The following CDH13 variants were observed in gnomAD, a reference collection of about 807,000 sequenced individuals.
CDH13 encodes the protein cadherin 13.
In CDH13, 24 loss-of-function variants were observed where a neutral mutation model predicts 63.8. The observed-to-expected ratio is 0.38, with a 90% CI of 0.27 to 0.53. The LOEUF is 0.53. Among genes scored for constraint, CDH13 ranks in the 20% least tolerant of loss-of-function variants. The probability of loss-of-function intolerance (pLI) is 0.85; values close to 1 mark genes in which losing one functional copy is unlikely to be tolerated. For missense variants in CDH13, 1,049 were observed against 903.1 expected (o/e 1.16, Z -2.07); for synonymous variants, 503 against 355.3 (o/e 1.42, Z -4.67).
chr16:82,898,694 T>A (rs2041352709), intron 2 of CDH13, among the ~76,000 whole-genome samples: 1 of 152,174 alleles, frequency 6.6e-6, no homozygotes, highest in Admixed American at 6.5e-5. Context: ...TGGGCCTTGA[T>A]GAGAGCACTA....
At chr16:83,251,601 G>A (rs1049887250) in intron 5 of CDH13, among the ~76,000 whole-genome samples, 4 of 152,214 alleles carry the variant, frequency 2.6e-5, no homozygotes, top group Non-Finnish European at 4.4e-5. Flanking sequence ...GCAGCAGAGG[G>A]TGGGGCCAGT....
intron 6 of CDH13, among the ~76,000 whole-genome samples, chr16:83,426,235 A>G (rs1235258895): frequency 6.6e-6 from 1 of 152,134 alleles, no homozygotes; most frequent in Non-Finnish European, 1.5e-5. Context: ...TTGAGATTCT[A>G]GGGCTCTGGA....
At chr16:83,372,749 TAAAAAAAAA>T (rs35480546) in intron 6 of CDH13, among the ~76,000 whole-genome samples, 3 of 95,574 alleles carry the variant, frequency 3.1e-5, no homozygotes, top group Non-Finnish European at 6.1e-5. Context: ...AGACTCGGTC[TAAAAAAAAA>T]AAAAAAAAAA....
intron 5 of CDH13, among the ~76,000 whole-genome samples, chr16:83,269,959 T>A (rs72802296): frequency 0.1 from 15,766 of 152,234 alleles, 994 homozygotes; most frequent in Non-Finnish European, 0.13. Context: ...TCTTTTGAAA[T>A]GGTTCTATTA....
intron 1 of CDH13, among the ~76,000 whole-genome samples, chr16:82,816,234 C>T (rs779685809): frequency 3.3e-5 from 5 of 152,094 alleles, no homozygotes; most frequent in African/African-American, 9.7e-5. Context: ...CTTGTTCTTC[C>T]CACTATCTTA....
At chr16:83,519,626 C>G (rs1598208400) in intron 7 of CDH13, among the ~76,000 whole-genome samples, 1 of 152,142 alleles carries the variant, frequency 6.6e-6, no homozygotes. Context: ...TGAGTTAAAC[C>G]TATTTCTAAA....
chr16:83,394,922 C>T (rs542170067), intron 6 of CDH13, among the ~76,000 whole-genome samples: 13 of 152,112 alleles, frequency 8.5e-5, no homozygotes, highest in Admixed American at 2.6e-4. Flanking sequence ...CCAAGACAGG[C>T]GGATCACCTG....
intron 8 of CDH13, among the ~76,000 whole-genome samples, chr16:83,626,160 G>A (rs1363165457): frequency 6.6e-6 from 1 of 152,090 alleles, no homozygotes; most frequent in Non-Finnish European, 1.5e-5. Context: ...ACACAAGTTT[G>A]CTTCTTATTC....
intron 2 of CDH13, among the ~76,000 whole-genome samples, chr16:82,938,378 A>G (rs1053796641): frequency 7.9e-5 from 12 of 152,230 alleles, no homozygotes; most frequent in African/African-American, 2.9e-4. Context: ...TTAAATGATC[A>G]ATGTTTCTTT....
intron 4 of CDH13, among the ~76,000 whole-genome samples, chr16:83,214,069 C>G (rs1276479035): frequency 6.6e-6 from 1 of 152,032 alleles, no homozygotes; most frequent in Non-Finnish European, 1.5e-5. Flanking sequence ...CTGGCCACCC[C>G]CAAGGCAGCA....
chr16:82,671,035 A>G (rs1185261025), intron 1 of CDH13, among the ~76,000 whole-genome samples: 1 of 152,198 alleles, frequency 6.6e-6, no homozygotes, highest in Non-Finnish European at 1.5e-5. Context: ...CACTTTTCAT[A>G]TATGATCTTG....
At chr16:83,567,208 C>T (rs990549252) in intron 7 of CDH13, among the ~76,000 whole-genome samples, 1 of 152,236 alleles carries the variant, frequency 6.6e-6, no homozygotes, top group Non-Finnish European at 1.5e-5. Context: ...TCATGGCTCT[C>T]ATCAGTGTAT....
intron 2 of CDH13, among the ~76,000 whole-genome samples, chr16:82,920,196 T>C (rs548310394): frequency 6.6e-6 from 1 of 152,318 alleles, no homozygotes; most frequent in African/African-American, 2.4e-5. Context: ...TTCGTCTTCA[T>C]CTCTTTGCTT....
At chr16:83,116,444 G>GTGTCAA (rs1276236355) in intron 3 of CDH13, among the ~76,000 whole-genome samples, 1 of 152,184 alleles carries the variant, frequency 6.6e-6, no homozygotes, top group Non-Finnish European at 1.5e-5. Flanking sequence ...GGAAGCCAGG[G>GTGTCAA]GGCTGACCTT....
intron 1 of CDH13, among the ~76,000 whole-genome samples, chr16:82,710,966 C>G (rs1409008242): frequency 6.6e-6 from 1 of 150,650 alleles, no homozygotes; most frequent in Non-Finnish European, 1.5e-5. Context: ...AAAAAAAAAG[C>G]TAGTGCATAA....
At chr16:83,475,040 C>T (rs1337707434) in intron 6 of CDH13, among the ~76,000 whole-genome samples, 1 of 152,260 alleles carries the variant, frequency 6.6e-6, no homozygotes, top group Non-Finnish European at 1.5e-5. Flanking sequence ...CTTCCGCCAT[C>T]TGGCTCCTGG....
At chr16:83,223,295 A>T (rs545538077) in intron 5 of CDH13, among the ~76,000 whole-genome samples, 2 of 152,302 alleles carry the variant, frequency 1.3e-5, no homozygotes, top group Non-Finnish European at 2.9e-5. Flanking sequence ...AGGAAGGCTG[A>T]ATTCTCATAT....
At chr16:83,290,061 G>T (rs1375487795) in intron 5 of CDH13, among the ~76,000 whole-genome samples, 1 of 152,138 alleles carries the variant, frequency 6.6e-6, no homozygotes, top group Non-Finnish European at 1.5e-5. Context: ...ACTTTCTACT[G>T]ATGGACCCAT....
rs79059296 is a variant in CDH13, at chr16:83,219,822, A to G, written c.636+2325A>G. Among the ~76,000 whole-genome samples, 398 of 152,334 alleles carry G rather than the reference A, an allele frequency of 2.6e-3. 1 individual carries two copies. The highest frequency in any genetic ancestry group is 1.7e-3 in the Non-Finnish European group (114 of 68,028). ...AAGGTGTTCGGAGGATACAGTAGCA[A>G]CAAGACACACTGGGTTCCTTGCTTT... is the stretch of plus-strand genomic sequence containing the variant. On this transcript the variant is annotated intron_variant, in intron 5 of 13. Coordinates refer to ENST00000567109, the MANE Select transcript of CDH13 (RefSeq NM_001257.5).
Sources: gnomAD v4.1 joint callset for allele counts (sites outside exome capture counted in the v4.1 genomes callset) on GRCh38, gnomAD v4.1.1 for gene constraint, MANE v1.5 for transcripts, NCBI Gene and HGNC (gene_info 2026-07-23, HGNC 2026-07-21) for gene names.